The following RABGAP1L variants were observed in gnomAD, a reference collection of about 807,000 sequenced individuals.
RABGAP1L encodes the protein RAB GTPase activating protein 1 like.
In RABGAP1L, 63 loss-of-function variants were observed where a neutral mutation model predicts 137.7. The observed-to-expected ratio is 0.46, with a 90% CI of 0.37 to 0.56. The LOEUF is 0.56. Among genes scored for constraint, RABGAP1L ranks in the 20% least tolerant of loss-of-function variants. The probability of loss-of-function intolerance (pLI) is 0.00; values close to 1 mark genes in which losing one functional copy is unlikely to be tolerated. For missense variants in RABGAP1L, 1,095 were observed against 1,244.0 expected (o/e 0.88, Z 1.80); for synonymous variants, 431 against 433.7 (o/e 0.99, Z 0.08).
chr1:174,381,272 T>G (rs1260988101), intron 12 of RABGAP1L, among the ~76,000 whole-genome samples: 1 of 146,840 alleles, frequency 6.8e-6, no homozygotes, highest in African/African-American at 2.6e-5. Flanking sequence ...TCTGTTGATT[T>G]GGGGTGGAGA....
intron 13 of RABGAP1L, among the ~76,000 whole-genome samples, chr1:174,608,808 T>G (rs575315787): frequency 3.9e-5 from 6 of 152,256 alleles, no homozygotes; most frequent in Non-Finnish European, 2.9e-5. Context: ...GCAGAAAGTT[T>G]AGGAAATTGA....
chr1:174,652,480 G>A (rs760210039), intron 14 of RABGAP1L, among the ~76,000 whole-genome samples: 2 of 152,120 alleles, frequency 1.3e-5, no homozygotes, highest in Non-Finnish European at 2.9e-5. Context: ...TTTGGATGGC[G>A]TTTTTGCGTG....
intron 1 of RABGAP1L, among the ~76,000 whole-genome samples, chr1:174,173,908 A>C (rs1257122111): frequency 6.6e-6 from 1 of 152,198 alleles, no homozygotes; most frequent in East Asian, 1.9e-4. Context: ...TGAAACTTTG[A>C]AATAGTAAGT....
At chr1:174,202,162 A>G (rs1329437220) in intron 1 of RABGAP1L, among the ~76,000 whole-genome samples, 3 of 152,008 alleles carry the variant, frequency 2.0e-5, no homozygotes, top group African/African-American at 7.3e-5. Context: ...TTGGGTATAT[A>G]CCCAGTAATG....
At chr1:174,553,754 A>G (rs1332227984) in intron 13 of RABGAP1L, among the ~76,000 whole-genome samples, 1 of 152,200 alleles carries the variant, frequency 6.6e-6, no homozygotes, top group Non-Finnish European at 1.5e-5. Context: ...TAATTCCAAC[A>G]CTTAGGAAGG....
intron 17 of RABGAP1L, among the ~76,000 whole-genome samples, chr1:174,706,942 T>C (rs537563377): frequency 2.6e-5 from 4 of 152,348 alleles, no homozygotes; most frequent in East Asian, 1.9e-4. Context: ...CCCATTCTAT[T>C]GTTGACGGTT....
At chr1:174,558,401 G>A (rs1667012336) in intron 13 of RABGAP1L, among the ~76,000 whole-genome samples, 1 of 152,136 alleles carries the variant, frequency 6.6e-6, no homozygotes, top group Non-Finnish European at 1.5e-5. Flanking sequence ...AGCTTAATAA[G>A]TTTGCTGCTT....
intron 14 of RABGAP1L, among the ~76,000 whole-genome samples, chr1:174,661,764 T>C (rs968611410): frequency 1.3e-5 from 2 of 152,182 alleles, no homozygotes; most frequent in Non-Finnish European, 2.9e-5. Flanking sequence ...TTTACAATGG[T>C]GGTCCCATAA....
At chr1:174,597,049 C>T (rs1185920881) in intron 13 of RABGAP1L, among the ~76,000 whole-genome samples, 1 of 152,144 alleles carries the variant, frequency 6.6e-6, no homozygotes, top group Admixed American at 6.5e-5. Context: ...ACCATCCTTA[C>T]ATCCTGGGGA....
chr1:174,881,955 G>A (rs1445762850), intron 19 of RABGAP1L, among the ~76,000 whole-genome samples: 3 of 152,010 alleles, frequency 2.0e-5, no homozygotes. Context: ...TCTGCCTCCC[G>A]GGTCCAAGAG....
At chr1:174,337,903 A>T (rs1480113733) in intron 11 of RABGAP1L, among the ~76,000 whole-genome samples, 2 of 152,186 alleles carry the variant, frequency 1.3e-5, no homozygotes, top group African/African-American at 4.8e-5. Context: ...TTCCTTTAAG[A>T]TTGCTTATAT....
chr1:174,653,859 G>A (rs145072145), intron 14 of RABGAP1L, among the ~76,000 whole-genome samples: 5 of 152,306 alleles, frequency 3.3e-5, no homozygotes, highest in Admixed American at 6.5e-5. Context: ...TAGTAACATT[G>A]TGTCAATATA....
At chr1:174,350,036 C>T (rs1339055073) in intron 11 of RABGAP1L, among the ~76,000 whole-genome samples, 139 of 110,226 alleles carry the variant, frequency 1.3e-3, no homozygotes, top group African/African-American at 3.8e-3. Flanking sequence ...TAGGGGCGGC[C>T]GGGCAGAGGC....
chr1:174,621,428 G>T (rs1441289705), intron 13 of RABGAP1L, among the ~76,000 whole-genome samples: 1 of 152,146 alleles, frequency 6.6e-6, no homozygotes, highest in African/African-American at 2.4e-5. Flanking sequence ...AAAGCTGGAG[G>T]CATCAAGCTA....
intron 13 of RABGAP1L, among the ~76,000 whole-genome samples, chr1:174,456,309 A>C (rs1159814429): frequency 6.6e-6 from 1 of 152,134 alleles, no homozygotes; most frequent in Non-Finnish European, 1.5e-5. Flanking sequence ...AGATATGTAG[A>C]ATAAATTGAA....
At chr1:174,696,556 C>T (rs1010956561) in intron 15 of RABGAP1L, among the ~76,000 whole-genome samples, 9 of 152,168 alleles carry the variant, frequency 5.9e-5, no homozygotes. Context: ...GCACTTTAGT[C>T]TACCAGGGGG....
intron 19 of RABGAP1L, 64 bp downstream of exon 19, chr1:174,812,024 T>A (rs1347321462): frequency 7.0e-7 from 1 of 1,420,326 alleles, no homozygotes; most frequent in Non-Finnish European, 9.3e-7. Flanking sequence ...TGACAAATTA[T>A]GTAAAAATTT....
Position 174,448,318 on chromosome 1 carries a change from A to G in RABGAP1L, c.1710+54173A>G, listed in dbSNP as rs1655022554. 3 of 1,613,476 alleles carry G rather than the reference A, an allele frequency of 1.9e-6. No homozygotes were observed. The highest frequency in any genetic ancestry group is 1.3e-5 in the African/African-American group (1 of 74,962). On this transcript the variant is annotated intron_variant, in intron 13 of 25. Transcript: ENST00000681986. The surrounding 1 kb of genome is among the most constrained non-coding windows in gnomAD (Gnocchi z 4.2). ...TTATCTTTGTCTTTCATTGTGCTCC[A>G]CTGTTACATCATTATACTACCAGCT...
intron 13 of RABGAP1L, among the ~76,000 whole-genome samples, chr1:174,567,061 A>AT (rs1463962849): frequency 6.6e-6 from 1 of 152,128 alleles, no homozygotes; most frequent in Admixed American, 6.6e-5. Flanking sequence ...TGATAAGTGT[A>AT]TAATTCAGTG....
Sources: allele counts gnomAD v4.1 joint callset (sites outside exome capture counted in the v4.1 genomes callset), GRCh38; gene constraint gnomAD v4.1.1; non-coding constraint Gnocchi (gnomAD v3.1); transcripts MANE v1.5; gene names NCBI Gene and HGNC (gene_info 2026-07-23, HGNC 2026-07-21).